DENND10: variants seen among roughly 807,000 people sequenced by gnomAD.
The protein encoded by DENND10 is DENN domain containing 10.
A neutral mutation model predicts 43.6 loss-of-function variants in DENND10; 24 were observed. The ratio of observed to expected loss-of-function variants is 0.55; its 90% CI spans 0.40 to 0.77. The LOEUF (loss-of-function observed/expected upper bound fraction) is 0.77. Among genes scored for constraint, DENND10 ranks in the 30% least tolerant of loss-of-function variants. The pLI, the probability that DENND10 is intolerant of heterozygous loss-of-function variation, is 0.00. For missense variants in DENND10, 303 were observed against 429.9 expected (o/e 0.70, Z 2.61); for synonymous variants, 125 against 157.6 (o/e 0.79, Z 1.55).
At chr10:119,107,592 T>C (rs1167423323) in intron 1 of DENND10, among the ~76,000 whole-genome samples, 1 of 151,946 alleles carries the variant, frequency 6.6e-6, no homozygotes, top group Non-Finnish European at 1.5e-5. Context: ...TTAGTAGAGA[T>C]GGGGTTTCTC....
chr10:119,126,474 G>A (rs752362801), intron 6 of DENND10, among the ~76,000 whole-genome samples: 9 of 105,152 alleles, frequency 8.6e-5, no homozygotes, highest in Non-Finnish European at 1.7e-4. Context: ...GTTATTGCCT[G>A]TCTTTTTTGA....
At chr10:119,109,328 A>T (rs1403660275) in intron 2 of DENND10, among the ~76,000 whole-genome samples, 1 of 152,144 alleles carries the variant, frequency 6.6e-6, no homozygotes, top group Non-Finnish European at 1.5e-5. Flanking sequence ...CATGTGGAAG[A>T]CTAGGATGTA....
intron 5 of DENND10, among the ~76,000 whole-genome samples, chr10:119,121,892 A>G (rs1403037339): frequency 6.6e-6 from 1 of 152,214 alleles, no homozygotes; most frequent in African/African-American, 2.4e-5. Flanking sequence ...TGTTTTATGA[A>G]TGAGAAAATT....
intron 6 of DENND10, 35 bp downstream of exon 6, chr10:119,123,604 A>AAT: frequency 2.4e-6 from 3 of 1,251,694 alleles, no homozygotes; most frequent in Non-Finnish European, 3.2e-6. Context: ...GAACTGTTTC[A>AAT]CTTTTTTTTT....
At chr10:119,109,299 A>G (rs1265926872) in intron 2 of DENND10, among the ~76,000 whole-genome samples, 1 of 152,030 alleles carries the variant, frequency 6.6e-6, no homozygotes, top group Non-Finnish European at 1.5e-5. Flanking sequence ...GTTGTTTGAT[A>G]TGAACAGTAT....
At position 119,132,650 on chromosome 10, in the gene DENND10, G is replaced by A. The variant is rs369166130; in HGVS notation, c.897+41G>A. ...TCTGACTTACTGAAAGTCCTGACCC[G>A]GTGTCGCTGGGTGGTGTGCGGCAGA... On this transcript the variant is annotated intron_variant, in intron 8 of 8. Coordinates refer to ENST00000361432, the MANE Select transcript of DENND10 (RefSeq NM_207009.4). The surrounding 1 kb of genome is among the most constrained non-coding windows in gnomAD (Gnocchi z 4.2). The A allele has an allele frequency of 2.5e-5, 37 of 1,483,780 alleles. No individual in the cohort carries two copies. In the Admixed American group the frequency reaches 2.5e-4, roughly 10 times the overall value. The allele number at this position is 1,483,780 out of a possible 1,614,324, so 91.9% of individuals were successfully genotyped here.
intron 1 of DENND10, among the ~76,000 whole-genome samples, chr10:119,106,190 T>G (rs1011137763): frequency 2.0e-5 from 3 of 152,072 alleles, no homozygotes; most frequent in African/African-American, 7.2e-5. Context: ...GCCACCGCAC[T>G]GCAGCCCAAG....
rs1846128448 is a variant in DENND10, at chr10:119,132,460, G to A, written c.803-55G>A. 1.4e-6 allele frequency: 2 copies of A among 1,445,180 alleles called. No individual in the cohort carries two copies. Among genetic ancestry groups the A allele is most frequent in the Admixed American group, 1.7e-5 (1 of 59,150 alleles). 89.5% of individuals were successfully genotyped at this position (1,445,180 alleles called of 1,614,324 possible). A position where few individuals can be genotyped will look rare whatever the true frequency, so the allele number is the denominator to read the frequency against. On this transcript the variant is annotated intron_variant, in intron 7 of 8. Coordinates refer to ENST00000361432, the MANE Select transcript of DENND10 (RefSeq NM_207009.4). This position sits in a 1 kb window ranked among gnomAD's most constrained non-coding sequence, Gnocchi z 4.2. ...TGGTCTTCCAAGTTTTCAGATAGAT[G>A]GCATGATTATTTTTTATGTCGATTT...
Position 119,108,086 on chromosome 10 carries a change from C to G in DENND10, c.174C>G (p.Pro58=), listed in dbSNP as rs1363787001. 21 of 1,613,680 alleles carry G rather than the reference C, an allele frequency of 1.3e-5. No homozygotes were observed. Among genetic ancestry groups the G allele is most frequent in the Non-Finnish European group, 1.6e-5 (19 of 1,179,722 alleles). The change falls in exon 2 of 9, where the codon CCC becomes CCG. Residue 58 remains proline (P), a synonymous_variant. Coordinates refer to ENST00000361432, the MANE Select transcript of DENND10 (RefSeq NM_207009.4). ...CAGATGAAAACAAACTTCTCCATCCCTTTGTCTTTGGTCAGTACAGAAGAA... is the reference window on the plus strand; with the variant it reads ...CAGATGAAAACAAACTTCTCCATCCGTTTGTCTTTGGTCAGTACAGAAGAA... The part of the protein sequence containing the change: ...CLTDENKLLH[P]FVFGQYRRTW...
chr10:119,137,557 A>G lies in DENND10; in HGVS notation c.*910A>G, dbSNP rs1198824132. ...GTCAAGCCAATTGTTTGTACTATTT[A>G]TGTACCTTTTTCATAACTGGAATTG... On this transcript the variant is annotated 3_prime_UTR_variant, in exon 9 of 9. Coordinates refer to ENST00000361432, the MANE Select transcript of DENND10 (RefSeq NM_207009.4). 3 of 166,222 alleles carry G rather than the reference A, an allele frequency of 1.8e-5. No homozygotes were observed. Among genetic ancestry groups the G allele is most frequent in the Non-Finnish European group, 4.4e-5 (3 of 68,006 alleles). 10.3% of individuals were successfully genotyped at this position (166,222 alleles called of 1,614,324 possible). A position where few individuals can be genotyped will look rare whatever the true frequency, so the allele number is the denominator to read the frequency against.
intron 1 of DENND10, chr10:119,104,745 A>G (rs1025767362): frequency 6.6e-6 from 1 of 152,228 alleles, no homozygotes; most frequent in East Asian, 1.9e-4. Flanking sequence ...CGCGTTGTAC[A>G]CACATTGTCT....
At chr10:119,108,812 G>A (rs1251446704) in intron 2 of DENND10, among the ~76,000 whole-genome samples, 2 of 151,390 alleles carry the variant, frequency 1.3e-5, no homozygotes, top group African/African-American at 2.4e-5. Context: ...CCACCATCAC[G>A]CCTGGCTAAT....
At position 119,123,401 on chromosome 10, in the gene DENND10, G is replaced by A. The variant is rs1589734538; in HGVS notation, c.594-68G>A. The A allele has an allele frequency of 3.2e-5, 37 of 1,148,220 alleles. No homozygotes were observed. In the East Asian group the frequency reaches 8.9e-4, roughly 28 times the overall value. 71.1% of individuals were successfully genotyped at this position (1,148,220 alleles called of 1,614,324 possible). On this transcript the variant is annotated intron_variant, in intron 5 of 8. Transcript: ENST00000361432. ...CTTCATTTCCTTCTCAGGAAGAGGA[G>A]AAGGGGGCAGGCTGAGTCTTTAAGG... is the stretch of plus-strand genomic sequence containing the variant.
At chr10:119,128,628 G>A (rs1165146620) in intron 6 of DENND10, among the ~76,000 whole-genome samples, 1 of 151,270 alleles carries the variant, frequency 6.6e-6, no homozygotes, top group Admixed American at 6.6e-5. Context: ...CAAAAAAACT[G>A]AGACTATAAT....
At chr10:119,122,196 T>C (rs1845610547) in intron 5 of DENND10, among the ~76,000 whole-genome samples, 1 of 152,118 alleles carries the variant, frequency 6.6e-6, no homozygotes, top group African/African-American at 2.4e-5. Flanking sequence ...TAGCCTGAGC[T>C]ACACAGGAGG....
intron 5 of DENND10, among the ~76,000 whole-genome samples, chr10:119,122,575 C>T (rs188811598): frequency 1.3e-5 from 2 of 152,292 alleles, no homozygotes; most frequent in Admixed American, 6.5e-5. Context: ...CCTTTTCCCC[C>T]TCTACGTATG....
chr10:119,116,665 C>CTTTTT (rs71016543), intron 3 of DENND10, among the ~76,000 whole-genome samples: 4 of 132,204 alleles, frequency 3.0e-5, no homozygotes, highest in African/African-American at 5.5e-5. Context: ...TTCTTTCTTT[C>CTTTTT]TTTTTTTTTT....
intron 3 of DENND10, among the ~76,000 whole-genome samples, chr10:119,112,470 C>CTTTTCTTTTTCTTTTTCT (rs1256212810): frequency 6.7e-6 from 1 of 148,906 alleles, no homozygotes; most frequent in Non-Finnish European, 1.5e-5. Flanking sequence ...AGTCTATTTT[C>CTTTTCTTTTTCTTTTTCT]TTTTCTTTTT....
chr10:119,109,873 T>G (rs1844895562), intron 2 of DENND10, among the ~76,000 whole-genome samples: 1 of 151,806 alleles, frequency 6.6e-6, no homozygotes, highest in South Asian at 2.1e-4. Context: ...AGTGCAATGG[T>G]GCAATCATGT....
Sources: allele counts gnomAD v4.1 joint callset (sites outside exome capture counted in the v4.1 genomes callset), GRCh38; gene constraint gnomAD v4.1.1; non-coding constraint Gnocchi (gnomAD v3.1); transcripts MANE v1.5; gene names NCBI Gene and HGNC (gene_info 2026-07-23, HGNC 2026-07-21).